Variants in R3HDM2 observed in about 807,000 individuals in gnomAD.
The protein encoded by R3HDM2 is R3H domain-containing protein 2.
Under a neutral mutation model 124.5 loss-of-function variants are expected in R3HDM2, and 38 were observed. That is an observed-to-expected ratio of 0.31 (90% CI 0.24 to 0.40). The LOEUF is 0.40. Among genes scored for constraint, R3HDM2 ranks in the 10% least tolerant of loss-of-function variants. The pLI is 1.00. For synonymous variants in R3HDM2, 391 were observed against 448.0 expected, an observed-to-expected ratio of 0.87 and a Z score of 1.61; for missense variants, 869 against 1,236.9, an observed-to-expected ratio of 0.70 and a Z score of 4.46.
intron 2 of R3HDM2, among the ~76,000 whole-genome samples, chr12:57,347,521 A>G (rs1045326590): frequency 2.6e-5 from 4 of 152,202 alleles, no homozygotes; most frequent in African/African-American, 9.6e-5. Flanking sequence ...ACAAAGAAAA[A>G]ACACAAAATA....
chr12:57,258,310 TTTTA>T (rs201590705), intron 20 of R3HDM2, among the ~76,000 whole-genome samples, 173 bp from the exon 21 acceptor site: 3,319 of 145,084 alleles, frequency 0.023, 51 homozygotes, highest in South Asian at 0.047. Flanking sequence ...ATTTATGCTA[TTTTA>T]TTTATTTATT....
At chr12:57,272,528 C>A (rs763540537) in intron 14 of R3HDM2, 2 of 1,445,820 alleles carry the variant, frequency 1.4e-6, no homozygotes, top group African/African-American at 1.5e-5. Flanking sequence ...GAACAGGCTG[C>A]GGAGAGGGCT....
chr12:57,378,892 A>G (rs2138231067), intron 2 of R3HDM2, among the ~76,000 whole-genome samples: 1 of 152,234 alleles, frequency 6.6e-6, no homozygotes, highest in East Asian at 1.9e-4. Context: ...AATAATATTC[A>G]GCCTTAAAAA....
intron 1 of R3HDM2, among the ~76,000 whole-genome samples, chr12:57,426,803 C>A (rs1305636837): frequency 6.6e-6 from 1 of 152,184 alleles, no homozygotes; most frequent in Non-Finnish European, 1.5e-5. Flanking sequence ...CAACATCTCT[C>A]AATGAGTACC....
At chr12:57,429,947 CA>C (rs1208833669) in intron 1 of R3HDM2, among the ~76,000 whole-genome samples, 1 of 152,202 alleles carries the variant, frequency 6.6e-6, no homozygotes, top group East Asian at 1.9e-4. Flanking sequence ...TTACGCATAT[CA>C]GACAGGACTC....
chr12:57,291,535 T>C (rs1244325651), intron 11 of R3HDM2, among the ~76,000 whole-genome samples: 1 of 151,500 alleles, frequency 6.6e-6, no homozygotes, highest in African/African-American at 2.4e-5. Flanking sequence ...GTGCCTGTAA[T>C]CCCAGCTACT....
chr12:57,264,857 G>A (rs1253453815), intron 19 of R3HDM2, among the ~76,000 whole-genome samples: 2 of 151,916 alleles, frequency 1.3e-5, no homozygotes, highest in Admixed American at 6.6e-5. Context: ...TGCTTGTCTC[G>A]AACTCCTGGC....
chr12:57,334,526 C>A (rs569306681), intron 2 of R3HDM2, among the ~76,000 whole-genome samples: 1 of 151,722 alleles, frequency 6.6e-6, no homozygotes, highest in African/African-American at 2.4e-5. Context: ...GCTGCAAAAA[C>A]TGTCAGAGAA....
chr12:57,337,423 T>C (rs2058997415), intron 2 of R3HDM2, among the ~76,000 whole-genome samples: 1 of 152,080 alleles, frequency 6.6e-6, no homozygotes, highest in Admixed American at 6.6e-5. Flanking sequence ...AGTGCTGGGA[T>C]TGCAGGTATG....
chr12:57,428,945 C>T (rs1868818756), intron 1 of R3HDM2, among the ~76,000 whole-genome samples: 1 of 152,022 alleles, frequency 6.6e-6, no homozygotes. Context: ...CGGGGTTCCA[C>T]CATGTTGGCC....
intron 10 of R3HDM2, 73 bp from the exon 11 acceptor site, chr12:57,292,740 G>C (rs544116964): frequency 1.1e-6 from 1 of 926,296 alleles, no homozygotes. Flanking sequence ...CAGCAAGGAA[G>C]AGAAACCGGG....
In R3HDM2 at chr12:57,296,670, A is replaced by G. The variant is rs1812577964; in HGVS notation, c.561-119T>C. 1.9e-6 allele frequency: 2 copies of G among 1,041,320 alleles called. No individual in the cohort carries two copies. Among genetic ancestry groups the G allele is most frequent in the East Asian group, 2.6e-5 (1 of 38,322 alleles). The allele number at this position is 1,041,320 out of a possible 1,614,324, so 64.5% of individuals were successfully genotyped here. A position where few individuals can be genotyped will look rare whatever the true frequency, so the allele number is the denominator to read the frequency against. ...GTTTCTTAGGAGAAATAGACATATT[A>G]TAAGGAATATAGATATTTACTAAAT... On this transcript the variant is annotated intron_variant, in intron 8 of 23. Transcript: ENST00000402412. This position sits in a 1 kb window ranked among gnomAD's most constrained non-coding sequence, Gnocchi z 4.5.
At chr12:57,408,129 C>A (rs1218573623) in intron 1 of R3HDM2, among the ~76,000 whole-genome samples, 1 of 152,166 alleles carries the variant, frequency 6.6e-6, no homozygotes. Context: ...CAAGGTTTCA[C>A]CATGTTGGTC....
chr12:57,413,280 A>G (rs2069179094), intron 1 of R3HDM2, among the ~76,000 whole-genome samples: 1 of 152,114 alleles, frequency 6.6e-6, no homozygotes, highest in Non-Finnish European at 1.5e-5. Flanking sequence ...CTACTCATAA[A>G]TCACTTCATT....
At chr12:57,283,737 C>CA (rs951347520) in intron 13 of R3HDM2, 87 bp downstream of exon 13, 9,632 of 1,155,814 alleles carry the variant, frequency 8.3e-3, no homozygotes, top group Non-Finnish European at 9.7e-3. Context: ...GACTCTGTCT[C>CA]AAAAAAAAAA....
rs1593854049 is a variant in R3HDM2, at chr12:57,358,371, G to A, written c.-36+37378C>T. ...AGTAATAGAGGCCAAGTGGAGAAGT[G>A]TACGCCTGTAATCCTAGTACTTCGG... On this transcript the variant is annotated intron_variant, in intron 2 of 23. Transcript: ENST00000402412. Among the ~76,000 whole-genome samples the A allele has an allele frequency of 2.6e-5, 4 of 152,214 alleles. No homozygotes were observed. In the South Asian group the frequency reaches 8.3e-4, roughly 32 times the overall value.
At chr12:57,373,865 T>C (rs183992624) in intron 2 of R3HDM2, among the ~76,000 whole-genome samples, 5 of 142,118 alleles carry the variant, frequency 3.5e-5, no homozygotes, top group Admixed American at 2.1e-4. Flanking sequence ...TGGTGGCTCA[T>C]GCCTGCAATC....
At chr12:57,348,066 G>A (rs749652155) in intron 2 of R3HDM2, among the ~76,000 whole-genome samples, 6 of 152,108 alleles carry the variant, frequency 3.9e-5, no homozygotes, top group Non-Finnish European at 5.9e-5. Flanking sequence ...AGTTCTGATC[G>A]TTCTGTATTT....
rs375554679 is a variant in R3HDM2, at chr12:57,267,908, T to C, written c.2030+395A>G. On this transcript the variant is annotated intron_variant, in intron 18 of 23. Transcript: ENST00000402412. ...ACTATGACCTATATTCAGTTATATA[T>C]AAATAGATACAGAAATAGACACACC... Among the ~76,000 whole-genome samples, 3 of 152,348 alleles carry C rather than the reference T, an allele frequency of 2.0e-5. No homozygotes were observed. In the East Asian group the frequency reaches 5.8e-4, roughly 29 times the overall value.
Sources: gnomAD v4.1 joint callset for allele counts (sites outside exome capture counted in the v4.1 genomes callset) on GRCh38, gnomAD v4.1.1 for gene constraint, Gnocchi (gnomAD v3.1) non-coding constraint, MANE v1.5 for transcripts, NCBI Gene and HGNC (gene_info 2026-07-23, HGNC 2026-07-21) for gene names.